The following OPCML variants were observed in gnomAD, a reference collection of about 807,000 sequenced individuals.
The protein encoded by OPCML is opioid binding protein/cell adhesion molecule like.
In OPCML, 13 loss-of-function variants were observed where a neutral mutation model predicts 37.8. The ratio of observed to expected loss-of-function variants is 0.34; its 90% CI spans 0.22 to 0.55. The LOEUF is 0.55. OPCML is among the 20% of genes least tolerant of loss of function. The probability of loss-of-function intolerance (pLI) is 0.91; values close to 1 mark genes in which losing one functional copy is unlikely to be tolerated. For missense variants in OPCML, 341 were observed against 435.6 expected, an observed-to-expected ratio of 0.78 and a Z score of 1.93; for synonymous variants, 176 against 168.8, an observed-to-expected ratio of 1.04 and a Z score of -0.33.
intron 1 of OPCML, among the ~76,000 whole-genome samples, chr11:133,062,892 T>C (rs867818761): frequency 1.1e-4 from 17 of 152,380 alleles, no homozygotes; most frequent in Admixed American, 2.6e-4. Context: ...GCTCCAGCAC[T>C]GCTGCATGCA....
intron 1 of OPCML, among the ~76,000 whole-genome samples, chr11:133,431,373 T>C (rs1405216342): frequency 6.6e-6 from 1 of 152,202 alleles, no homozygotes; most frequent in Non-Finnish European, 1.5e-5. Flanking sequence ...GACACAGCTA[T>C]TTGTTTTACA....
chr11:132,767,823 C>T (rs748793167), intron 2 of OPCML, among the ~76,000 whole-genome samples: 1 of 150,852 alleles, frequency 6.6e-6, no homozygotes, highest in Non-Finnish European at 1.5e-5. Flanking sequence ...AAAAAAAAAC[C>T]CTCCTGCAGT....
intron 4 of OPCML, among the ~76,000 whole-genome samples, chr11:132,457,778 C>T (rs745905532): frequency 2.0e-5 from 3 of 152,186 alleles, no homozygotes; most frequent in Admixed American, 6.5e-5. Context: ...GTCTGCTGAG[C>T]CCTCTGGGGA....
intron 1 of OPCML, among the ~76,000 whole-genome samples, chr11:133,017,943 C>A (rs906012894): frequency 6.6e-6 from 1 of 152,178 alleles, no homozygotes; most frequent in Non-Finnish European, 1.5e-5. Flanking sequence ...GGGTTGCAGC[C>A]CCCTTGCCTC....
chr11:133,472,481 T>A (rs965999188), intron 1 of OPCML, among the ~76,000 whole-genome samples: 2 of 151,814 alleles, frequency 1.3e-5, no homozygotes, highest in South Asian at 4.2e-4. Context: ...ACGGAATAGC[T>A]CTTACTTCCA....
intron 1 of OPCML, among the ~76,000 whole-genome samples, chr11:132,997,114 G>A (rs528496275): frequency 6.6e-6 from 1 of 152,296 alleles, no homozygotes; most frequent in South Asian, 2.1e-4. Flanking sequence ...GTCTGTCACA[G>A]TTAGTCTTCT....
chr11:132,810,538 A>C (rs1381573738), intron 2 of OPCML, among the ~76,000 whole-genome samples: 1 of 152,092 alleles, frequency 6.6e-6, no homozygotes, highest in Non-Finnish European at 1.5e-5. Flanking sequence ...TAAAAATACA[A>C]AAATTAGCTG....
chr11:133,514,073 C>G (rs1201808338), intron 1 of OPCML, among the ~76,000 whole-genome samples: 1 of 152,186 alleles, frequency 6.6e-6, no homozygotes, highest in Non-Finnish European at 1.5e-5. Context: ...AGAGACACTT[C>G]AAGGCTGGTC....
Position 132,601,022 on chromosome 11 carries a change from C to T in OPCML, c.379+56065G>A, listed in dbSNP as rs762664742. 4.6e-5 allele frequency among the ~76,000 whole-genome samples: 7 copies of T among 151,558 alleles called. No homozygotes were observed. In the East Asian group the frequency reaches 1.2e-3, roughly 25 times the overall value. ...GTTAACATTAATCAAATTTGTTTTT[C>T]GATTGCCAATGTATAATGTATATAC... On this transcript the variant is annotated intron_variant, in intron 3 of 7. Coordinates refer to ENST00000524381, the MANE Select transcript of OPCML (RefSeq NM_001012393.5).
At chr11:132,729,392 T>TAC (rs3066898) in intron 2 of OPCML, among the ~76,000 whole-genome samples, 32,950 of 151,516 alleles carry the variant, frequency 0.22, 3,745 homozygotes, top group Non-Finnish European at 0.23. Flanking sequence ...TTATAGATTT[T>TAC]ACACACACAC....
At chr11:133,421,584 A>T in intron 1 of OPCML, 1 of 985,438 alleles carries the variant, frequency 1.0e-6, no homozygotes, top group Non-Finnish European at 1.2e-6. Context: ...AAAATTGAAA[A>T]CTGGGAGTTT....
chr11:133,412,171 T>G lies in OPCML; in HGVS notation c.61+120093A>C, dbSNP rs1325285120. 3.3e-5 allele frequency among the ~76,000 whole-genome samples: 5 copies of G among 152,308 alleles called. No homozygotes were observed. The South Asian group carries it at 1.0e-3, about 32-fold the overall frequency. On this transcript the variant is annotated intron_variant, in intron 1 of 7. Coordinates refer to ENST00000524381, the MANE Select transcript of OPCML (RefSeq NM_001012393.5). ...TCTGGAACTAGTAACTCCAAAGCACTTTCATCATACTAGGCCTGAAGTAGG... is the reference window on the plus strand; with the variant it reads ...TCTGGAACTAGTAACTCCAAAGCACGTTCATCATACTAGGCCTGAAGTAGG...
chr11:132,590,487 A>G (rs1169676211), intron 3 of OPCML, among the ~76,000 whole-genome samples: 2 of 152,180 alleles, frequency 1.3e-5, no homozygotes, highest in East Asian at 1.9e-4. Flanking sequence ...CAGAGGAATC[A>G]TGATTTTTCA....
chr11:132,428,113 T>C (rs967657107), intron 7 of OPCML, among the ~76,000 whole-genome samples: 1 of 152,150 alleles, frequency 6.6e-6, no homozygotes, highest in Non-Finnish European at 1.5e-5. Flanking sequence ...AAACAGAGAA[T>C]TGGAATATGT....
intron 1 of OPCML, among the ~76,000 whole-genome samples, chr11:133,351,529 C>T (rs1016323381): frequency 2.4e-5 from 2 of 81,936 alleles, no homozygotes; most frequent in African/African-American, 4.5e-5. Context: ...TTCTGGGTCA[C>T]CTAAGCCTCT....
intron 1 of OPCML, among the ~76,000 whole-genome samples, chr11:133,234,016 A>G (rs1462252699): frequency 6.6e-6 from 1 of 152,202 alleles, no homozygotes; most frequent in African/African-American, 2.4e-5. Flanking sequence ...ACAATTGCAG[A>G]GCCAAACAGC....
In OPCML at chr11:132,732,417, T is replaced by C. The variant is rs185405510; in HGVS notation, c.147-75098A>G. Among the ~76,000 whole-genome samples, 12 of 152,202 alleles carry C rather than the reference T, an allele frequency of 7.9e-5. No homozygotes were observed. In the East Asian group the frequency reaches 2.3e-3, roughly 29 times the overall value. On this transcript the variant is annotated intron_variant, in intron 2 of 7. Transcript: ENST00000524381. ...AAGGGGTTATAGACAAAGTAGTAAA[T>C]GGGGAGGTATTGATGGGTTTATCTT...
At chr11:132,434,152 C>T (rs1332516043) in intron 7 of OPCML, among the ~76,000 whole-genome samples, 1 of 152,186 alleles carries the variant, frequency 6.6e-6, no homozygotes, top group African/African-American at 2.4e-5. Context: ...GACTCAATCC[C>T]ACCCTATCCT....
intron 2 of OPCML, among the ~76,000 whole-genome samples, chr11:132,873,386 C>T (rs1040037972): frequency 6.6e-6 from 1 of 152,120 alleles, no homozygotes; most frequent in African/African-American, 2.4e-5. Context: ...TTTCACAAGG[C>T]CAAGAGCCCC....
Sources: gnomAD v4.1 joint callset for allele counts (sites outside exome capture counted in the v4.1 genomes callset) on GRCh38, gnomAD v4.1.1 for gene constraint, MANE v1.5 for transcripts, NCBI Gene and HGNC (gene_info 2026-07-23, HGNC 2026-07-21) for gene names.